EDNRB: variants seen among roughly 807,000 people sequenced by gnomAD.
EDNRB encodes the protein Hirschsprung disease 2.
In EDNRB, 18 loss-of-function variants were observed where a neutral mutation model predicts 46.4. The observed-to-expected ratio is 0.39, with a 90% confidence interval of 0.27 to 0.57. The LOEUF (loss-of-function observed/expected upper bound fraction) is 0.57, where lower values mean the gene tolerates loss of function less well. Ranked by LOEUF, EDNRB falls within the 20% of genes least tolerant of loss-of-function variation. The pLI is 0.61. For synonymous variants in EDNRB, 213 were observed against 204.9 expected (o/e 1.04, Z -0.34); for missense variants, 434 against 537.5 (o/e 0.81, Z 1.90).
chr13:77,959,497 A>G (rs1158461411), intron 1 of EDNRB, among the ~76,000 whole-genome samples: 1 of 152,264 alleles, frequency 6.6e-6, no homozygotes, highest in Non-Finnish European at 1.5e-5. Flanking sequence ...GTTAGAAGGA[A>G]GACTAACAAA....
At position 77,933,647 on chromosome 13, in the gene EDNRB, T is replaced by C. The variant is rs1002024140; in HGVS notation, c.-51-15023A>G. On this transcript the variant is annotated intron_variant, in intron 1 of 7. Coordinates refer to the EDNRB transcript ENST00000646948. ...GAGGCCTGACATTCCTGTCTTCTTATATTAATAAGAAAAATAAAATGAAAT... is the reference window on the plus strand; with the variant it reads ...GAGGCCTGACATTCCTGTCTTCTTACATTAATAAGAAAAATAAAATGAAAT... Among the ~76,000 whole-genome samples the C allele has an allele frequency of 1.2e-3, 180 of 152,198 alleles. 4 individuals are homozygous for C. The highest frequency in any genetic ancestry group is 2.7e-4 in the African/African-American group (11 of 41,460).
chr13:77,901,135 A>G lies in EDNRB; in HGVS notation c.874T>C (p.Phe292Leu). ...ATTTCACAGGTCATTAGTGTATAAA[A>G]AAATGCAGTGATGGCCAATGGCAAG... ...FCLPLAITAF[F>L]YTLMTCEMLR... Residue 292 changes from phenylalanine (F) to leucine (L), a missense_variant, in exon 4 of 7, where the codon TTT becomes CTT. Transcript: ENST00000646607. The G allele has an allele frequency of 6.2e-7, 1 of 1,611,634 alleles. No homozygotes were observed. The highest frequency in any genetic ancestry group is 8.5e-7 in the Non-Finnish European group (1 of 1,178,528).
rs571526015 is a variant in EDNRB at position 77,968,067 on chromosome 13, T to A, written c.-52+7280A>T. 2.7e-3 allele frequency among the ~76,000 whole-genome samples: 405 copies of A among 152,306 alleles called. 4 individuals are homozygous for A. Among genetic ancestry groups the A allele is most frequent in the African/African-American group, 9.4e-3 (389 of 41,582 alleles). On this transcript the variant is annotated intron_variant, in intron 1 of 7. Coordinates refer to the EDNRB transcript ENST00000646948. ...TATGACTGAACTCTGACAAAAGATTTCCTTATCAGTAATATTACACCATAT... is the reference window on the plus strand; with the variant it reads ...TATGACTGAACTCTGACAAAAGATTACCTTATCAGTAATATTACACCATAT...
chr13:77,934,382 T>C (rs1460809286), intron 1 of EDNRB, among the ~76,000 whole-genome samples: 1 of 152,142 alleles, frequency 6.6e-6, no homozygotes, highest in Non-Finnish European at 1.5e-5. Flanking sequence ...GTAAGGGATA[T>C]AAACGTTTCA....
intron 1 of EDNRB, among the ~76,000 whole-genome samples, chr13:77,907,470 A>G (rs1031059912): frequency 5.9e-5 from 9 of 151,712 alleles, no homozygotes; most frequent in African/African-American, 2.2e-4. Context: ...AGCCTCTATA[A>G]TCTCATAAAC....
intron 1 of EDNRB, among the ~76,000 whole-genome samples, chr13:77,917,042 G>A (rs1566315733): frequency 1.3e-5 from 2 of 151,992 alleles, no homozygotes; most frequent in South Asian, 4.2e-4. Flanking sequence ...GAGCAACCTG[G>A]CTCTTTGTGT....
intron 1 of EDNRB, among the ~76,000 whole-genome samples, chr13:77,932,592 T>C (rs1215053087): frequency 6.6e-6 from 1 of 152,232 alleles, no homozygotes; most frequent in African/African-American, 2.4e-5. Context: ...ATCTGGGACC[T>C]TAGACCAAGT....
chr13:77,972,196 G>A (rs1265302096), intron 1 of EDNRB, among the ~76,000 whole-genome samples: 2 of 152,154 alleles, frequency 1.3e-5, no homozygotes, highest in African/African-American at 2.4e-5. Context: ...CTGGAAAAGA[G>A]CTACCATGCA....
chr13:77,914,018 A>G (rs886573546), intron 1 of EDNRB, among the ~76,000 whole-genome samples: 2 of 152,246 alleles, frequency 1.3e-5, no homozygotes. Flanking sequence ...GCCCATATAC[A>G]TATTACAGAT....
At chr13:77,949,819 A>G (rs1881037274) in intron 1 of EDNRB, among the ~76,000 whole-genome samples, 1 of 152,142 alleles carries the variant, frequency 6.6e-6, no homozygotes, top group South Asian at 2.1e-4. Flanking sequence ...ATGCCCTTGA[A>G]ACAAAACTAG....
chr13:77,966,866 T>C (rs1336000523), intron 1 of EDNRB, among the ~76,000 whole-genome samples: 1 of 152,180 alleles, frequency 6.6e-6, no homozygotes, highest in Non-Finnish European at 1.5e-5. Flanking sequence ...AGTAGTGTTA[T>C]GTAACACTAA....
rs567578805 is a variant in EDNRB, at chr13:77,899,903, T to C, written c.1150A>G (p.Ile384Val). 48 of 1,612,082 alleles carry C rather than the reference T, an allele frequency of 3.0e-5. No homozygotes were observed. In the South Asian group the frequency reaches 4.3e-4, roughly 14 times the overall value. The change falls in exon 6 of 7, where the codon ATT (isoleucine) becomes GTT (valine). Residue 384 changes from isoleucine to valine, a missense_variant. By Grantham distance (29) the Ile-to-Val change is conservative (BLOSUM62 3). Coordinates refer to ENST00000646607, the MANE Select transcript of EDNRB (RefSeq NM_001122659.3). ...MASLNSCINP[I>V]ALYLVSKRFK... is the part of the protein sequence containing the mutation. ...CTTTTGCTCACCAAATACAGAGCAATTGGGTTAATGCAGGAATTCAGTGAA... is the reference window on the plus strand; with the variant it reads ...CTTTTGCTCACCAAATACAGAGCAACTGGGTTAATGCAGGAATTCAGTGAA...
At chr13:77,973,802 G>A (rs1451445211) in intron 1 of EDNRB, among the ~76,000 whole-genome samples, 1 of 151,590 alleles carries the variant, frequency 6.6e-6, no homozygotes, top group African/African-American at 2.4e-5. Context: ...GACTTTCGCA[G>A]GCAGTTCTTC....
intron 1 of EDNRB, among the ~76,000 whole-genome samples, chr13:77,973,936 C>A (rs1203822848): frequency 1.5e-5 from 2 of 135,288 alleles, no homozygotes; most frequent in African/African-American, 6.1e-5. Flanking sequence ...CCCCTTTTTT[C>A]CTTTTTTTTT....
chr13:77,927,766 G>T (rs975456899), intron 1 of EDNRB, among the ~76,000 whole-genome samples: 6 of 152,116 alleles, frequency 3.9e-5, no homozygotes, highest in Non-Finnish European at 7.4e-5. Flanking sequence ...TGTAAGAAAA[G>T]TGTTCTTATT....
At chr13:77,972,032 T>A in intron 1 of EDNRB, among the ~76,000 whole-genome samples, 1 of 152,332 alleles carries the variant, frequency 6.6e-6, no homozygotes, top group South Asian at 2.1e-4. Context: ...CTCCAAGGGA[T>A]GCTAAGTTGC....
intron 1 of EDNRB, among the ~76,000 whole-genome samples, chr13:77,905,310 T>C (rs1879220344): frequency 6.6e-6 from 1 of 151,946 alleles, no homozygotes; most frequent in African/African-American, 2.4e-5. Flanking sequence ...AGAACCCAGA[T>C]TGGAATTTTT....
At chr13:77,942,077 A>T (rs779479741) in intron 1 of EDNRB, among the ~76,000 whole-genome samples, 3 of 152,178 alleles carry the variant, frequency 2.0e-5, no homozygotes, top group African/African-American at 4.8e-5. Flanking sequence ...CAAAAATAAA[A>T]TCCCTACCAC....
At chr13:77,916,622 G>A (rs1002314909) in intron 1 of EDNRB, among the ~76,000 whole-genome samples, 1 of 152,186 alleles carries the variant, frequency 6.6e-6, no homozygotes, top group Non-Finnish European at 1.5e-5. Context: ...AGGATTTTTA[G>A]AGATTTATGA....
Sources: allele counts gnomAD v4.1 joint callset (sites outside exome capture counted in the v4.1 genomes callset), GRCh38; gene constraint gnomAD v4.1.1; transcripts MANE v1.5; gene names NCBI Gene and HGNC (gene_info 2026-07-23, HGNC 2026-07-21).